The following APBB2 variants were observed in gnomAD, a reference collection of about 807,000 sequenced individuals.
The protein encoded by APBB2 is amyloid beta precursor protein binding family B member 2.
APBB2 carries 38 observed loss-of-function variants against 82.5 expected under a neutral mutation model. That is an observed-to-expected ratio of 0.46 (90% CI 0.36 to 0.60). The LOEUF (loss-of-function observed/expected upper bound fraction) is 0.60, where lower values mean the gene tolerates loss of function less well. Among genes scored for constraint, APBB2 ranks in the 20% least tolerant of loss-of-function variants. The pLI, the probability that APBB2 is intolerant of heterozygous loss-of-function variation, is 0.00. For missense variants in APBB2, 772 were observed against 972.3 expected, an observed-to-expected ratio of 0.79 and a Z score of 2.74; for synonymous variants, 341 against 368.2, an observed-to-expected ratio of 0.93 and a Z score of 0.85.
chr4:41,142,619 C>T (rs1308707059), intron 2 of APBB2, among the ~76,000 whole-genome samples: 2 of 152,174 alleles, frequency 1.3e-5, no homozygotes, highest in Non-Finnish European at 2.9e-5. Flanking sequence ...AATCCAACTC[C>T]ATGAGGCTGG....
chr4:41,184,734 G>T (rs1320685880), intron 1 of APBB2, among the ~76,000 whole-genome samples: 1 of 152,172 alleles, frequency 6.6e-6, no homozygotes, highest in Non-Finnish European at 1.5e-5. Flanking sequence ...GTTCCTTGGG[G>T]TCAGCCTTGG....
chr4:41,088,039 G>C (rs897617661), intron 3 of APBB2, among the ~76,000 whole-genome samples: 1 of 152,170 alleles, frequency 6.6e-6, no homozygotes, highest in African/African-American at 2.4e-5. Context: ...CTTGTATGAG[G>C]TACTTTTAGG....
At chr4:40,988,529 T>A (rs1051014549) in intron 6 of APBB2, among the ~76,000 whole-genome samples, 9 of 149,980 alleles carry the variant, frequency 6.0e-5, no homozygotes, top group Non-Finnish European at 1.0e-4. Flanking sequence ...TCCCAGCTAC[T>A]CGGGAGGCTG....
At position 40,814,326 on chromosome 4, in the gene APBB2, T is replaced by C. The variant is rs1745069877; in HGVS notation, c.*1766A>G. 6.6e-6 allele frequency: 1 copy of C among 150,688 alleles called. No individual in the cohort carries two copies. Among genetic ancestry groups the C allele is most frequent in the African/African-American group, 2.5e-5 (1 of 40,812 alleles). 9.3% of individuals were successfully genotyped at this position (150,688 alleles called of 1,614,324 possible). A position where few individuals can be genotyped will look rare whatever the true frequency, so the allele number is the denominator to read the frequency against. ...AGGGAATTCTAAGATTCCCTGACAA[T>C]AGATCTTTCCATACCTGCTCTTCTT... On this transcript the variant is annotated 3_prime_UTR_variant, in exon 18 of 18. Coordinates refer to ENST00000508593, the MANE Select transcript of APBB2 (RefSeq NM_004307.2).
At chr4:41,067,869 C>G (rs1041890202) in intron 3 of APBB2, among the ~76,000 whole-genome samples, 1 of 152,108 alleles carries the variant, frequency 6.6e-6, no homozygotes, top group African/African-American at 2.4e-5. Context: ...AAAGGGAATG[C>G]GTGGCTGCTG....
intron 1 of APBB2, among the ~76,000 whole-genome samples, chr4:41,172,813 G>A (rs903024428): frequency 3.9e-5 from 6 of 152,204 alleles, no homozygotes; most frequent in Non-Finnish European, 7.3e-5. Flanking sequence ...GGAAAAGTCA[G>A]CCAGGCAAAA....
At chr4:41,170,819 C>G (rs964485591) in intron 1 of APBB2, among the ~76,000 whole-genome samples, 5 of 152,124 alleles carry the variant, frequency 3.3e-5, no homozygotes, top group African/African-American at 1.2e-4. Context: ...GTGAATAATA[C>G]AGGGGAATTC....
rs1744619791 is a variant in APBB2, at chr4:40,812,551, G to A, written c.*3541C>T. The A allele has an allele frequency of 6.6e-6, 1 of 152,238 alleles. No homozygotes were observed. The highest frequency in any genetic ancestry group is 2.1e-4 in the South Asian group (1 of 4,834). 9.4% of individuals were successfully genotyped at this position (152,238 alleles called of 1,614,324 possible). On this transcript the variant is annotated 3_prime_UTR_variant, in exon 18 of 18. Coordinates refer to ENST00000508593, the MANE Select transcript of APBB2 (RefSeq NM_004307.2). ...ATTAGGTTAAGCCTGGCCAACTAGA[G>A]AGCGAAGGGGCTTATTAGTTAAATT... is the stretch of plus-strand genomic sequence containing the variant.
rs577777716 is a variant in APBB2 at position 40,921,904 on chromosome 4, T to C, written c.1254+12552A>G. On this transcript the variant is annotated intron_variant, in intron 10 of 17. Coordinates refer to ENST00000508593, the MANE Select transcript of APBB2 (RefSeq NM_004307.2). ...TGGCTGGGGCAGAAAAGTGGGACCC[T>C]GGTGGAGACCTTTCTGCCCCTTCCT... 2.4e-4 allele frequency among the ~76,000 whole-genome samples: 36 copies of C among 152,272 alleles called. 2 individuals are homozygous for C. In the South Asian group the frequency reaches 7.1e-3, roughly 30 times the overall value.
At chr4:40,960,504 G>A (rs1792869363) in intron 6 of APBB2, among the ~76,000 whole-genome samples, 1 of 141,998 alleles carries the variant, frequency 7.0e-6, no homozygotes, top group African/African-American at 2.6e-5. Context: ...CTGGAGTGCA[G>A]TGGTGTGATC....
chr4:41,012,465 T>C (rs530480369), intron 6 of APBB2, among the ~76,000 whole-genome samples: 26 of 152,332 alleles, frequency 1.7e-4, no homozygotes, highest in African/African-American at 5.8e-4. Context: ...CAGACAGTTA[T>C]GAGATGAAAT....
Position 40,835,704 on chromosome 4 carries a change from T to G in APBB2, c.1530-5127A>C, listed in dbSNP as rs1276517826. Among the ~76,000 whole-genome samples the G allele has an allele frequency of 2.6e-5, 4 of 152,192 alleles. No homozygotes were observed. In the East Asian group the frequency reaches 7.7e-4, roughly 29 times the overall value. On this transcript the variant is annotated intron_variant, in intron 12 of 17. Coordinates refer to ENST00000508593, the MANE Select transcript of APBB2 (RefSeq NM_004307.2). Reference sequence around the variant, plus strand: ...CATCCCAGTCTTGCAATATTACAGGTGACCCCATGTGATTTGTTTGGTGGG... The same window carrying G: ...CATCCCAGTCTTGCAATATTACAGGGGACCCCATGTGATTTGTTTGGTGGG...
intron 6 of APBB2, among the ~76,000 whole-genome samples, chr4:40,959,701 G>A (rs538508295): frequency 6.6e-6 from 1 of 152,178 alleles, no homozygotes; most frequent in Non-Finnish European, 1.5e-5. Flanking sequence ...ATCTGTGTGT[G>A]GGAACATTAT....
At chr4:40,875,046 T>A (rs1336731272) in intron 12 of APBB2, among the ~76,000 whole-genome samples, 1 of 152,182 alleles carries the variant, frequency 6.6e-6, no homozygotes, top group Non-Finnish European at 1.5e-5. Flanking sequence ...CACAGTCCGG[T>A]GCAGCTGGGT....
chr4:41,178,563 G>A (rs1211712399), intron 1 of APBB2, among the ~76,000 whole-genome samples: 7 of 152,174 alleles, frequency 4.6e-5, no homozygotes, highest in African/African-American at 1.2e-4. Flanking sequence ...TGCATGGCCC[G>A]AGGCAGGTGC....
chr4:40,815,921 A>G lies in APBB2; in HGVS notation c.*171T>C. On this transcript the variant is annotated 3_prime_UTR_variant, in exon 18 of 18. Coordinates refer to ENST00000508593, the MANE Select transcript of APBB2 (RefSeq NM_004307.2). ...TTATTCATGCTTCTTTTCATATCAC[A>G]TGATGGTGGCAAGACGAGAGAACAT... 1 of 721,582 alleles carries G rather than the reference A, an allele frequency of 1.4e-6. No individual in the cohort carries two copies. Among genetic ancestry groups the G allele is most frequent in the South Asian group, 2.1e-5 (1 of 46,932 alleles). The allele number at this position is 721,582 out of a possible 1,614,324, so 44.7% of individuals were successfully genotyped here.
chr4:41,192,014 C>G (rs539140106), intron 1 of APBB2, among the ~76,000 whole-genome samples: 337 of 152,200 alleles, frequency 2.2e-3, no homozygotes, highest in Non-Finnish European at 4.3e-3. Context: ...AAATGGCCAA[C>G]AGATATATGA....
chr4:40,855,476 G>A (rs1189111729), intron 12 of APBB2, among the ~76,000 whole-genome samples: 1 of 152,304 alleles, frequency 6.6e-6, no homozygotes, highest in Middle Eastern at 3.4e-3. Flanking sequence ...GCTCATGCCT[G>A]TAATCCCAGC....
At chr4:40,905,915 G>C (rs1019216090) in intron 10 of APBB2, among the ~76,000 whole-genome samples, 1 of 152,150 alleles carries the variant, frequency 6.6e-6, no homozygotes, top group East Asian at 1.9e-4. Context: ...TGTGTGGCTC[G>C]AGTGGGGAAG....
Sources: gnomAD v4.1 joint callset for allele counts (sites outside exome capture counted in the v4.1 genomes callset) on GRCh38, gnomAD v4.1.1 for gene constraint, MANE v1.5 for transcripts, NCBI Gene and HGNC (gene_info 2026-07-23, HGNC 2026-07-21) for gene names.